The following USP34 variants were observed in gnomAD, a reference collection of about 807,000 sequenced individuals.
USP34 encodes the protein ubiquitin specific peptidase 34.
USP34 carries 70 observed loss-of-function variants against 460.3 expected under a neutral mutation model. That is an observed-to-expected ratio of 0.15 (90% CI 0.13 to 0.19). USP34 has a LOEUF of 0.19. USP34 is among the 10% of genes least tolerant of loss of function. USP34 has a pLI of 1.00. For missense variants in USP34, 3,985 were observed against 4,236.2 expected, an observed-to-expected ratio of 0.94 and a Z score of 1.65; for synonymous variants, 1,647 against 1,405.3, an observed-to-expected ratio of 1.17 and a Z score of -3.85.
In USP34 at chr2:61,188,078, A is replaced by T; in HGVS notation, c.*24T>A. On this transcript the variant is annotated 3_prime_UTR_variant, in exon 80 of 80. Coordinates refer to ENST00000398571, the MANE Select transcript of USP34 (RefSeq NM_014709.4). Reference sequence around the variant, plus strand: ...ATGGGGGTTGGGGGTGAGGGACTTAAAAGTAGACATGCTACACCTAATGTC... The same window carrying T: ...ATGGGGGTTGGGGGTGAGGGACTTATAAGTAGACATGCTACACCTAATGTC... 6.3e-7 allele frequency: 1 copy of T among 1,592,296 alleles called. No homozygotes were observed. Among genetic ancestry groups the T allele is most frequent in the African/African-American group, 1.3e-5 (1 of 74,212 alleles).
At position 61,236,085 on chromosome 2, in the gene USP34, G is replaced by C. The variant is rs764949103; in HGVS notation, c.6919-12C>G. On this transcript the variant is annotated splice_polypyrimidine_tract_variant and intron_variant, in intron 55 of 79. Transcript: ENST00000398571. ...AAGGAAGTGCTTAACTGTAAGAAAAGATAAAGCAAAAAAGCTTCAATCATT... is the reference window on the plus strand; with the variant it reads ...AAGGAAGTGCTTAACTGTAAGAAAACATAAAGCAAAAAAGCTTCAATCATT... The C allele has an allele frequency of 4.4e-6, 7 of 1,597,800 alleles. No homozygotes were observed. The highest frequency in any genetic ancestry group is 5.1e-6 in the Non-Finnish European group (6 of 1,175,898).
At chr2:61,229,031 G>A (rs762061623) in intron 59 of USP34, 36 bp from the exon 60 acceptor site, 5 of 1,479,236 alleles carry the variant, frequency 3.4e-6, no homozygotes, top group Non-Finnish European at 3.6e-6. Flanking sequence ...GAGAATGTAT[G>A]AGGTCTGGAA....
At chr2:61,316,253 G>T (rs547495338) in intron 23 of USP34, among the ~76,000 whole-genome samples, 24 of 151,790 alleles carry the variant, frequency 1.6e-4, no homozygotes, top group Non-Finnish European at 1.3e-4. Flanking sequence ...AGAAAAGAAG[G>T]CAGTAGGAAA....
chr2:61,438,849 T>C (rs1277157189), intron 1 of USP34, among the ~76,000 whole-genome samples: 3 of 152,062 alleles, frequency 2.0e-5, no homozygotes, highest in South Asian at 2.1e-4. Flanking sequence ...GGCATCCAAA[T>C]TGGAAATGAA....
chr2:61,259,347 T>C (rs1558495864), intron 44 of USP34, among the ~76,000 whole-genome samples: 1 of 152,140 alleles, frequency 6.6e-6, no homozygotes, highest in African/African-American at 2.4e-5. Context: ...CATTTAACTT[T>C]TTTAGGTTTT....
At chr2:61,204,137 A>T in intron 74 of USP34, 119 bp downstream of exon 74, 1 of 1,338,836 alleles carries the variant, frequency 7.5e-7, no homozygotes, top group East Asian at 2.3e-5. Flanking sequence ...AATGAATCTA[A>T]TCTTCTTAGG....
rs112759952 is a variant in USP34 at position 61,467,820 on chromosome 2, A to C, written c.43+2830T>G. 4.9e-3 allele frequency among the ~76,000 whole-genome samples: 739 copies of C among 151,734 alleles called. 9 individuals carry two copies. Among genetic ancestry groups the C allele is most frequent in the African/African-American group, 0.016 (675 of 41,356 alleles). On this transcript the variant is annotated intron_variant, in intron 1 of 79. Coordinates refer to ENST00000398571, the MANE Select transcript of USP34 (RefSeq NM_014709.4). The stretch of plus-strand genomic sequence containing the variant: ...GAATTTTTAGTAGAGATGGGGTTTC[A>C]CCATATTGGCCAGGCTGGTCTCGAG...
rs933659688 is a variant in USP34 at position 61,379,006 on chromosome 2, G to C, written c.1015-582C>G. Among the ~76,000 whole-genome samples the C allele has an allele frequency of 2.1e-5, 3 of 146,196 alleles. No homozygotes were observed. The Admixed American group carries it at 2.1e-4, about 10-fold the overall frequency. ...AGTGCACTGGAGAAAATAAAGCTGA[G>C]TAAGTAAAAAAACACAACAATTTAA... On this transcript the variant is annotated intron_variant, in intron 7 of 79. Transcript: ENST00000398571.
intron 16 of USP34, 90 bp downstream of exon 16, chr2:61,343,724 TA>T (rs1691675473): frequency 7.4e-7 from 1 of 1,354,014 alleles, no homozygotes; most frequent in Middle Eastern, 1.8e-4. Flanking sequence ...TTAAGTACCA[TA>T]ACCTTAACTA....
rs866560406 is a variant in USP34 at position 61,288,738 on chromosome 2, C to T, written c.4688G>A (p.Gly1563Asp). Residue 1563 changes from glycine to aspartate, a missense_variant, in exon 34 of 80, where the codon GGC becomes GAC. Coordinates refer to ENST00000398571, the MANE Select transcript of USP34 (RefSeq NM_014709.4). ...AESHRKRTWP[G>D]KSRKAAGDHA... ...ATCACCAGCAGCCTTCCTTGATTTG[C>T]CAGGCCAGGTTCTTTTCCTATGGCT... 1 of 1,614,016 alleles carries T rather than the reference C, an allele frequency of 6.2e-7. No homozygotes were observed. The highest frequency in any genetic ancestry group is 2.2e-5 in the East Asian group (1 of 44,872).
intron 41 of USP34, among the ~76,000 whole-genome samples, chr2:61,266,566 G>C (rs558421521): frequency 6.6e-6 from 1 of 152,082 alleles, no homozygotes; most frequent in Non-Finnish European, 1.5e-5. Context: ...AAAATCAACA[G>C]TTTACTTATA....
intron 1 of USP34, among the ~76,000 whole-genome samples, chr2:61,442,211 A>G (rs1694985664): frequency 6.6e-6 from 1 of 152,202 alleles, no homozygotes; most frequent in Non-Finnish European, 1.5e-5. Context: ...AAAAGATTTT[A>G]TGAATAAAGA....
At chr2:61,357,081 C>A (rs767787858) in intron 10 of USP34, among the ~76,000 whole-genome samples, 3 of 152,120 alleles carry the variant, frequency 2.0e-5, no homozygotes, top group African/African-American at 7.2e-5. Context: ...CTGAACAACA[C>A]AATAAGCCAA....
rs368173009 is a variant in USP34, at chr2:61,405,865, C to T, written c.395G>A (p.Cys132Tyr). 56 of 1,613,832 alleles carry T rather than the reference C, an allele frequency of 3.5e-5. No individual in the cohort carries two copies. The African/African-American group carries it at 6.5e-4, about 19-fold the overall frequency. Residue 132 changes from cysteine (C) to tyrosine (Y), a missense_variant, in exon 3 of 80, where the codon TGT becomes TAT. Transcript: ENST00000398571. ...TGAAGATTCCTCCTCAGTCAGATTA[C>T]AAATTCTTGTAGAGTTTGATTTTTT... is the stretch of plus-strand genomic sequence containing the variant. Reference protein sequence around the residue: ...IEKKSNSTRICNLTEEESSKS... With the variant: ...IEKKSNSTRIYNLTEEESSKS...
chr2:61,449,406 C>T (rs556396673), intron 1 of USP34, among the ~76,000 whole-genome samples: 196 of 151,614 alleles, frequency 1.3e-3, no homozygotes, highest in Non-Finnish European at 2.3e-3. Context: ...AGATTCACTA[C>T]AATCTCTACC....
At chr2:61,282,236 C>T (rs1689556249) in intron 37 of USP34, among the ~76,000 whole-genome samples, 2 of 152,126 alleles carry the variant, frequency 1.3e-5, no homozygotes, top group South Asian at 4.1e-4. Flanking sequence ...TGTGATCCAC[C>T]CACCTCGGCC....
chr2:61,382,846 C>T (rs138547642), intron 6 of USP34, among the ~76,000 whole-genome samples: 29 of 152,256 alleles, frequency 1.9e-4, no homozygotes, highest in African/African-American at 6.7e-4. Context: ...ACCTTTGCTG[C>T]TATTTATCCT....
chr2:61,283,571 G>A (rs1689598534), intron 35 of USP34, 122 bp from the exon 36 acceptor site: 3 of 915,754 alleles, frequency 3.3e-6, no homozygotes, highest in Non-Finnish European at 4.8e-6. Flanking sequence ...AGCAGTGGGT[G>A]TGTGAGTGAG....
chr2:61,386,425 T>C (rs984097128), intron 5 of USP34, among the ~76,000 whole-genome samples: 3 of 152,054 alleles, frequency 2.0e-5, no homozygotes, highest in Non-Finnish European at 2.9e-5. Context: ...GTTGAATAGA[T>C]CAAAATATGA....
Sources: allele counts gnomAD v4.1 joint callset (sites outside exome capture counted in the v4.1 genomes callset), GRCh38; gene constraint gnomAD v4.1.1; transcripts MANE v1.5; gene names NCBI Gene and HGNC (gene_info 2026-07-23, HGNC 2026-07-21).